The following ALDH3A1 variants were observed in gnomAD, a reference collection of about 807,000 sequenced individuals.
ALDH3A1 encodes the protein aldehyde dehydrogenase, dimeric NADP-preferring.
Under a neutral mutation model 49.9 loss-of-function variants are expected in ALDH3A1, and 46 were observed. The ratio of observed to expected loss-of-function variants is 0.92; its 90% confidence interval spans 0.73 to 1.18. The LOEUF (loss-of-function observed/expected upper bound fraction) is 1.18. ALDH3A1 is among the 50% of genes most tolerant of loss of function. The probability of loss-of-function intolerance (pLI) is 0.00; values close to 1 mark genes in which losing one functional copy is unlikely to be tolerated. For synonymous variants in ALDH3A1, 269 were observed against 253.3 expected, an observed-to-expected ratio of 1.06 and a Z score of -0.59; for missense variants, 592 against 611.8, an observed-to-expected ratio of 0.97 and a Z score of 0.34.
In ALDH3A1 at chr17:19,744,240, C is replaced by T. The variant is rs184573863; in HGVS notation, c.162+728G>A. The T allele has an allele frequency of 2.2e-5, 15 of 693,412 alleles. No individual in the cohort carries two copies. The African/African-American group carries it at 2.7e-4, about 13-fold the overall frequency. 43.0% of individuals were successfully genotyped at this position (693,412 alleles called of 1,614,324 possible). ...CCAACATGGCGAAACCCTGTCTCTA[C>T]TAAAAATACAAAATTAGCCGGGCAT... On this transcript the variant is annotated intron_variant, in intron 2 of 10. Coordinates refer to ENST00000225740, the MANE Select transcript of ALDH3A1 (RefSeq NM_000691.5).
In ALDH3A1 at chr17:19,745,048, G is replaced by A. The variant is rs1187283661; in HGVS notation, c.82C>T (p.Gln28Ter). 1 of 1,598,012 alleles carries A rather than the reference G, an allele frequency of 6.3e-7. No homozygotes were observed. Among genetic ancestry groups the A allele is most frequent in the Non-Finnish European group, 8.5e-7 (1 of 1,179,148 alleles). The change falls in exon 2 of 11, where the codon CAG becomes TAG. Residue 28 changes from glutamine to a stop codon, truncating the protein, a stop_gained. Transcript: ENST00000225740. LOFTEE classifies it high-confidence loss of function. ...GRTRPLQFRIQQLEALQRLIQ... is the reference protein window; with the variant it reads ...GRTRPLQFRI The stretch of plus-strand genomic sequence containing the variant: ...AGGCGCTGCAGCGCCTCCAGCTGCT[G>A]GATCCGGAACTGCAGCGGACGGGTC...
chr17:19,739,226 T>C lies in ALDH3A1; in HGVS notation c.1117-131A>G, dbSNP rs979463978. ...GGTGGAGGCAGAGCCTTAGCCTCCA[T>C]CTCCTGCTCTTCCTGCAGACCGCGT... On this transcript the variant is annotated intron_variant, in intron 8 of 10. Coordinates refer to ENST00000225740, the MANE Select transcript of ALDH3A1 (RefSeq NM_000691.5). The C allele has an allele frequency of 1.4e-5, 12 of 862,150 alleles. No individual in the cohort carries two copies. In the African/African-American group the frequency reaches 1.7e-4, roughly 12 times the overall value. The allele number at this position is 862,150 out of a possible 1,614,324, so 53.4% of individuals were successfully genotyped here. A position where few individuals can be genotyped will look rare whatever the true frequency, so the allele number is the denominator to read the frequency against.
intron 2 of ALDH3A1, chr17:19,744,750 G>T: frequency 7.3e-7 from 1 of 1,361,494 alleles, no homozygotes; most frequent in East Asian, 3.1e-5. Flanking sequence ...GGACGCGGAG[G>T]CCGGGCCAGG....
Position 19,742,127 on chromosome 17 carries a change from C to CTGCCCGTGTACAGGATA in ALDH3A1, c.549_565dup (p.Ser189IlefsTer15), listed in dbSNP as rs1050839569. On this transcript the variant is annotated frameshift_variant, in exon 5 of 11. Transcript: ENST00000225740. LOFTEE classifies it high-confidence loss of function. ...CATGATGATCTTCCCCACCCCCGTGCTGCCCGTGTACAGGATATGGTCGAA... is the reference window on the plus strand; with the variant it reads ...CATGATGATCTTCCCCACCCCCGTGCTGCCCGTGTACAGGATATGCCCGTGTACAGGATATGGTCGAA... 6 of 1,613,988 alleles carry CTGCCCGTGTACAGGATA rather than the reference C, an allele frequency of 3.7e-6. No homozygotes were observed. The African/African-American group carries it at 6.7e-5, about 18-fold the overall frequency.
chr17:19,746,649 GT>G (rs1294104052), intron 1 of ALDH3A1, among the ~76,000 whole-genome samples: 2 of 147,230 alleles, frequency 1.4e-5, no homozygotes, highest in Non-Finnish European at 3.0e-5. Flanking sequence ...GTGTGCGTGT[GT>G]GTGCATGTGT....
Position 19,739,103 on chromosome 17 carries a change from A to G in ALDH3A1, c.1117-8T>C, listed in dbSNP as rs2086442186. On this transcript the variant is annotated splice_region_variant and splice_polypyrimidine_tract_variant and intron_variant, in intron 8 of 10. Coordinates refer to ENST00000225740, the MANE Select transcript of ALDH3A1 (RefSeq NM_000691.5). Reference sequence around the variant, plus strand: ...AATCATCTTCTTAATCACCTGCACCAGGACCCAGCCACTGGCCTCAGTCTC... The same window carrying G: ...AATCATCTTCTTAATCACCTGCACCGGGACCCAGCCACTGGCCTCAGTCTC... The G allele has an allele frequency of 1.3e-5, 21 of 1,610,938 alleles. No individual in the cohort carries two copies. Among genetic ancestry groups the G allele is most frequent in the Non-Finnish European group, 1.8e-5 (21 of 1,179,144 alleles).
rs201510717 is a variant in ALDH3A1 at position 19,740,512 on chromosome 17, G to A, written c.808-35C>T. ...AGAGGTGGGGGCTTCGGGTAAGGAC[G>A]CAGAGCCTCGTCCTGCCCAAAGGCT... On this transcript the variant is annotated intron_variant, in intron 6 of 10. Transcript: ENST00000225740. 2.1e-5 allele frequency: 34 copies of A among 1,609,682 alleles called. No homozygotes were observed. The African/African-American group carries it at 2.3e-4, about 11-fold the overall frequency.
chr17:19,743,505 C>G lies in ALDH3A1; in HGVS notation c.163-42G>C. Reference sequence around the variant, plus strand: ...GGAGTGAGCTTCCAGGGCCAGGGCCCGCCTGCAGCTGGGGCGAGTGGGGAG... The same window carrying G: ...GGAGTGAGCTTCCAGGGCCAGGGCCGGCCTGCAGCTGGGGCGAGTGGGGAG... On this transcript the variant is annotated intron_variant, in intron 2 of 10. Coordinates refer to ENST00000225740, the MANE Select transcript of ALDH3A1 (RefSeq NM_000691.5). The surrounding 1 kb of genome is among the most constrained non-coding windows in gnomAD (Gnocchi z 4.4). 6.5e-7 allele frequency: 1 copy of G among 1,548,772 alleles called. No individual in the cohort carries two copies. Among genetic ancestry groups the G allele is most frequent in the Non-Finnish European group, 8.7e-7 (1 of 1,145,822 alleles).
Position 19,738,428 on chromosome 17 carries a change from A to G in ALDH3A1, c.1242T>C (p.His414=), listed in dbSNP as rs376860900. Residue 414 remains histidine, a synonymous_variant, in exon 10 of 11, where the codon CAT becomes CAC. Transcript: ENST00000225740. Reference sequence around the variant, plus strand: ...AGAAAGTCTCGAAGCTCTTCTTGCCATGGTAGGATCCCATGCCGCTGTTCC... The same window carrying G: ...AGAAAGTCTCGAAGCTCTTCTTGCCGTGGTAGGATCCCATGCCGCTGTTCC... ...GVGNSGMGSY[H]GKKSFETFSH... is the part of the protein sequence containing the mutation. 24 of 1,613,374 alleles carry G rather than the reference A, an allele frequency of 1.5e-5. No individual in the cohort carries two copies. Among genetic ancestry groups the G allele is most frequent in the Admixed American group, 3.3e-5 (2 of 60,002 alleles).
chr17:19,745,282 T>G, intron 1 of ALDH3A1, 148 bp from the exon 2 acceptor site: 1 of 827,232 alleles, frequency 1.2e-6, no homozygotes, highest in Non-Finnish European at 1.8e-6. Context: ...CTGCCTCGCC[T>G]CCTCTCCCGC....
In ALDH3A1 at chr17:19,741,204, G is replaced by T. The variant is rs756164830; in HGVS notation, c.696C>A (p.Ile232=). The part of the protein sequence containing the change: ...NCDLDVACRR[I]AWGKFMNSGQ... ...CACTGTTCATGAATTTCCCCCAGGC[G>T]ATGCGTCTGTGAGAATCCCAGACTG... is the stretch of plus-strand genomic sequence containing the variant. The change falls in exon 6 of 11, where the codon ATC becomes ATA. Residue 232 remains isoleucine (I), a synonymous_variant. Coordinates refer to ENST00000225740, the MANE Select transcript of ALDH3A1 (RefSeq NM_000691.5). 1.2e-6 allele frequency: 2 copies of T among 1,613,654 alleles called. No individual in the cohort carries two copies. The highest frequency in any genetic ancestry group is 2.7e-5 in the African/African-American group (2 of 75,026).
rs2086468115 is a variant in ALDH3A1 at position 19,740,369 on chromosome 17, C to G, written c.916G>C (p.Gly306Arg). The G allele has an allele frequency of 6.2e-7, 1 of 1,613,962 alleles. No individual in the cohort carries two copies. The highest frequency in any genetic ancestry group is 8.5e-7 in the Non-Finnish European group (1 of 1,180,016). The change falls in exon 7 of 11, where the codon GGG (glycine) becomes CGG (arginine). Residue 306 changes from glycine (G) to arginine (R), a missense_variant. Transcript: ENST00000225740. ...GLIEGQKVAY[G>R]GTGDAATRYI... is the part of the protein sequence containing the mutation. ...CGAGTGGCGGCATCCCCGGTGCCCC[C>G]ATAAGCCACCTTCTGGCCCTCAATC...
rs769924949 is a variant in ALDH3A1, at chr17:19,738,501, G to A, written c.1217-48C>T. On this transcript the variant is annotated intron_variant, in intron 9 of 10. Coordinates refer to ENST00000225740, the MANE Select transcript of ALDH3A1 (RefSeq NM_000691.5). Reference sequence around the variant, plus strand: ...GGGCTCAGCATCCTGCCCCCAGGACGCCCCAGGTTTCCCTCTCCACCTTGT... The same window carrying A: ...GGGCTCAGCATCCTGCCCCCAGGACACCCCAGGTTTCCCTCTCCACCTTGT... The A allele has an allele frequency of 3.3e-5, 52 of 1,587,506 alleles. 1 individual carries two copies. Among genetic ancestry groups the A allele is most frequent in the East Asian group, 1.4e-4 (6 of 44,222 alleles).
At position 19,738,031 on chromosome 17, in the gene ALDH3A1, G is replaced by A; in HGVS notation, c.*190C>T. 2.0e-6 allele frequency: 3 copies of A among 1,516,642 alleles called. No individual in the cohort carries two copies. Among genetic ancestry groups the A allele is most frequent in the Non-Finnish European group, 2.6e-6 (3 of 1,133,428 alleles). The allele number at this position is 1,516,642 out of a possible 1,614,324, so 93.9% of individuals were successfully genotyped here. A position where few individuals can be genotyped will look rare whatever the true frequency, so the allele number is the denominator to read the frequency against. On this transcript the variant is annotated 3_prime_UTR_variant, in exon 11 of 11. Coordinates refer to ENST00000225740, the MANE Select transcript of ALDH3A1 (RefSeq NM_000691.5). ...TTCGTCTCTTTATTGGTCTAGAAAG[G>A]GGTGGAGACTTGGAATGGTGAGGCC... is the stretch of plus-strand genomic sequence containing the variant.
chr17:19,740,968 C>A, intron 6 of ALDH3A1, 125 bp downstream of exon 6: 1 of 737,666 alleles, frequency 1.4e-6, no homozygotes, highest in Non-Finnish European at 2.3e-6. Flanking sequence ...GCCTAGCTTG[C>A]ATTATGTTTA....
rs770617828 is a variant in ALDH3A1, at chr17:19,742,223, A to G, written c.481-11T>C. 1 of 1,613,294 alleles carries G rather than the reference A, an allele frequency of 6.2e-7. No individual in the cohort carries two copies. Among genetic ancestry groups the G allele is most frequent in the Non-Finnish European group, 8.5e-7 (1 of 1,179,432 alleles). On this transcript the variant is annotated splice_polypyrimidine_tract_variant and intron_variant, in intron 4 of 10. Transcript: ENST00000225740. ...TACTGGGTACAGATCCTTCCATGCA[A>G]GGAGAGAGGGGAGGCTCAGCAAAGA...
At chr17:19,742,799 G>C in intron 3 of ALDH3A1, 169 bp from the exon 4 acceptor site, 1 of 1,535,132 alleles carries the variant, frequency 6.5e-7, no homozygotes. Flanking sequence ...GAGCACGCAC[G>C]GGCACATGAC....
In ALDH3A1 at chr17:19,738,439, C is replaced by A. The variant is rs141622022; in HGVS notation, c.1231G>T (p.Gly411Ter). ...PFGGVGNSGM[G>*]SYHGKKSFET... Reference sequence around the variant, plus strand: ...AAGCTCTTCTTGCCATGGTAGGATCCCATGCCGCTGTTCCCTGCGGAGGAG... The same window carrying A: ...AAGCTCTTCTTGCCATGGTAGGATCACATGCCGCTGTTCCCTGCGGAGGAG... The change falls in exon 10 of 11, where the codon GGA (glycine) becomes TGA (stop). Residue 411 changes from glycine to a stop codon, truncating the protein, a stop_gained. Coordinates refer to ENST00000225740, the MANE Select transcript of ALDH3A1 (RefSeq NM_000691.5). LOFTEE classifies it high-confidence loss of function. 2 of 1,613,002 alleles carry A rather than the reference C, an allele frequency of 1.2e-6. No homozygotes were observed. The highest frequency in any genetic ancestry group is 2.7e-5 in the African/African-American group (2 of 74,920).
chr17:19,745,272 C>G (rs1243062765), intron 1 of ALDH3A1, 138 bp from the exon 2 acceptor site: 2 of 913,280 alleles, frequency 2.2e-6, no homozygotes, highest in Admixed American at 7.1e-5. Context: ...GGTCCACTTT[C>G]TGCCTCGCCT....
Sources: allele counts gnomAD v4.1 joint callset (sites outside exome capture counted in the v4.1 genomes callset), GRCh38; gene constraint gnomAD v4.1.1; non-coding constraint Gnocchi (gnomAD v3.1); transcripts MANE v1.5; gene names NCBI Gene and HGNC (gene_info 2026-07-23, HGNC 2026-07-21).